Variants in TMEM205 observed in about 807,000 individuals in gnomAD.
TMEM205 encodes MBC3205.
A neutral mutation model predicts 17.9 loss-of-function variants in TMEM205; 11 were observed. That is an observed-to-expected ratio of 0.61 (90% CI 0.39 to 1.02). The LOEUF is 1.02. Ranked by LOEUF, TMEM205 falls within the 50% of genes least tolerant of loss-of-function variation. The probability of loss-of-function intolerance (pLI) is 0.01; values close to 1 mark genes in which losing one functional copy is unlikely to be tolerated. For synonymous variants in TMEM205, 86 were observed against 97.4 expected (o/e 0.88, Z 0.69); for missense variants, 236 against 239.4 (o/e 0.99, Z 0.09).
At chr19:11,344,179 G>A (rs540163059) in intron 2 of TMEM205, among the ~76,000 whole-genome samples, 8 of 151,946 alleles carry the variant, frequency 5.3e-5, no homozygotes, top group African/African-American at 1.7e-4. Context: ...TCCTGACCTC[G>A]TGATCCACCC....
chr19:11,344,813 C>T (rs1967089447), intron 2 of TMEM205: 1 of 182,758 alleles, frequency 5.5e-6, no homozygotes, highest in East Asian at 1.7e-4. Context: ...CCCCTCCCTT[C>T]CTCTTCCCTC....
Position 11,346,058 on chromosome 19 carries a change from C to T in TMEM205, c.-439G>A. ...GCCCCGAGGAAACCCTAAATCTCAT[C>T]CTGAGGACACCGATCCCACCAAAGC... On this transcript the variant is annotated 5_prime_UTR_variant, in exon 1 of 3. Coordinates refer to ENST00000354882, the MANE Select transcript of TMEM205 (RefSeq NM_198536.3). The T allele has an allele frequency of 4.3e-6, 1 of 232,784 alleles. No individual in the cohort carries two copies. The highest frequency in any genetic ancestry group is 4.7e-5 in the South Asian group (1 of 21,236). 14.4% of individuals were successfully genotyped at this position (232,784 alleles called of 1,614,324 possible). A position where few individuals can be genotyped will look rare whatever the true frequency, so the allele number is the denominator to read the frequency against.
Position 11,345,787 on chromosome 19 carries a change from G to A in TMEM205, c.-168C>T. On this transcript the variant is annotated 5_prime_UTR_variant, in exon 1 of 3. Transcript: ENST00000354882. ...AGTGAGAAAGGCCCAAAGCAGTCAA[G>A]GCCCAAAGACAACCCTCGACCCCAT... 1 of 1,348,438 alleles carries A rather than the reference G, an allele frequency of 7.4e-7. No homozygotes were observed. The highest frequency in any genetic ancestry group is 9.8e-7 in the Non-Finnish European group (1 of 1,022,874). 83.5% of individuals were successfully genotyped at this position (1,348,438 alleles called of 1,614,324 possible).
intron 2 of TMEM205, 175 bp downstream of exon 2, chr19:11,345,077 T>G: frequency 1.7e-6 from 1 of 602,798 alleles, no homozygotes; most frequent in Non-Finnish European, 2.8e-6. Flanking sequence ...AGGCTGGTCT[T>G]GAACTCCTGA....
In TMEM205 at chr19:11,345,422, G is replaced by A. The variant is rs371820105; in HGVS notation, c.101-7C>T. 266 of 1,613,988 alleles carry A rather than the reference G, an allele frequency of 1.6e-4. No homozygotes were observed. The highest frequency in any genetic ancestry group is 2.2e-4 in the Non-Finnish European group (255 of 1,180,024). On this transcript the variant is annotated splice_polypyrimidine_tract_variant and splice_region_variant and intron_variant, in intron 1 of 2. Transcript: ENST00000354882. ...CTTCGGAAAAGCAGGAAGCCTGCAGGGTATGGGGACCACAGGGGTGTTAGG... is the reference window on the plus strand; with the variant it reads ...CTTCGGAAAAGCAGGAAGCCTGCAGAGTATGGGGACCACAGGGGTGTTAGG...
At chr19:11,346,270 CCCAA>C (rs1376724582), upstream of TMEM205, 4 of 406,478 alleles carry the variant, frequency 9.8e-6, no homozygotes, top group African/African-American at 2.1e-5. Context: ...GTGGGTTTCC[CCCAA>C]CCAATAATTC....
Position 11,342,785 on chromosome 19 carries a change from A to G in TMEM205, c.*30T>C. 1 of 1,573,532 alleles carries G rather than the reference A, an allele frequency of 6.4e-7. No homozygotes were observed. The highest frequency in any genetic ancestry group is 8.6e-7 in the Non-Finnish European group (1 of 1,160,246). On this transcript the variant is annotated 3_prime_UTR_variant, in exon 3 of 3. Coordinates refer to ENST00000354882, the MANE Select transcript of TMEM205 (RefSeq NM_198536.3). ...AAAAAAAGACAGCAGCCATTTCTGAAGAAGCATTTATTAGCATGCAGGGCC... is the reference window on the plus strand; with the variant it reads ...AAAAAAAGACAGCAGCCATTTCTGAGGAAGCATTTATTAGCATGCAGGGCC...
In TMEM205 at chr19:11,343,079, G is replaced by A. The variant is rs758513671; in HGVS notation, c.306C>T (p.Asn102=). Residue 102 remains asparagine (N), a synonymous_variant, in exon 3 of 3, where the codon AAC becomes AAT. Transcript: ENST00000354882. ...LFLSLTLATV[N]ARWLEPRTTA... Reference sequence around the variant, plus strand: ...TGGTGCGGGGTTCCAGCCAGCGGGCGTTGACAGTGGCCAGCGTAAGGCTCA... The same window carrying A: ...TGGTGCGGGGTTCCAGCCAGCGGGCATTGACAGTGGCCAGCGTAAGGCTCA... 35 of 1,613,544 alleles carry A rather than the reference G, an allele frequency of 2.2e-5. No homozygotes were observed. The highest frequency in any genetic ancestry group is 3.5e-4 in the Middle Eastern group (2 of 5,772).
rs1246861776 is a variant in TMEM205, at chr19:11,345,245, C to G, written c.264+7G>C. 1 of 1,613,850 alleles carries G rather than the reference C, an allele frequency of 6.2e-7. No homozygotes were observed. Among genetic ancestry groups the G allele is most frequent in the Admixed American group, 1.7e-5 (1 of 59,996 alleles). On this transcript the variant is annotated splice_region_variant and intron_variant, in intron 2 of 2. Transcript: ENST00000354882. ...TCCAGAGGGCAGTGGCACTCAAACC[C>G]ACGTACCTGGCTGGCCTCCCAGAAT...
chr19:11,344,380 T>C (rs1967061841), intron 2 of TMEM205, among the ~76,000 whole-genome samples: 1 of 152,126 alleles, frequency 6.6e-6, no homozygotes, highest in Non-Finnish European at 1.5e-5. Context: ...AAACAGTCTG[T>C]GAAGTTCTAG....
intron 2 of TMEM205, 83 bp from the exon 3 acceptor site, chr19:11,343,203 A>T: frequency 4.4e-5 from 45 of 1,020,528 alleles, no homozygotes; most frequent in Non-Finnish European, 5.7e-5. Flanking sequence ...CATCCTCAAC[A>T]GCACAGGGGT....
At chr19:11,343,238 A>G in intron 2 of TMEM205, 118 bp from the exon 3 acceptor site, 4 of 1,062,610 alleles carry the variant, frequency 3.8e-6, no homozygotes, top group South Asian at 3.2e-5. Flanking sequence ...CACTGGATCA[A>G]AAAACCTGCC....
intron 2 of TMEM205, among the ~76,000 whole-genome samples, chr19:11,344,924 C>T (rs1243840887): frequency 2.0e-5 from 3 of 147,902 alleles, no homozygotes; most frequent in African/African-American, 5.0e-5. Flanking sequence ...GGCATGATCT[C>T]GGCTCACTGC....
At position 11,345,928 on chromosome 19, in the gene TMEM205, A is replaced by C; in HGVS notation, c.-309T>G. 1 of 349,640 alleles carries C rather than the reference A, an allele frequency of 2.9e-6. No individual in the cohort carries two copies. The highest frequency in any genetic ancestry group is 5.3e-6 in the Non-Finnish European group (1 of 187,642). 21.7% of individuals were successfully genotyped at this position (349,640 alleles called of 1,614,324 possible). A position where few individuals can be genotyped will look rare whatever the true frequency, so the allele number is the denominator to read the frequency against. ...CCAGATCATAGCCCTAGGTCTTCAGAGATCACTCCACTAATTCCCAAATAT... is the reference window on the plus strand; with the variant it reads ...CCAGATCATAGCCCTAGGTCTTCAGCGATCACTCCACTAATTCCCAAATAT... On this transcript the variant is annotated 5_prime_UTR_variant, in exon 1 of 3. Transcript: ENST00000354882.
Position 11,342,929 on chromosome 19 carries a change from AG to A in TMEM205, c.455del (p.Ala152ValfsTer22). 6.2e-7 allele frequency: 1 copy of A among 1,614,160 alleles called. No individual in the cohort carries two copies. The highest frequency in any genetic ancestry group is 8.5e-7 in the Non-Finnish European group (1 of 1,180,004). Reference protein sequence around the residue: ...QLREKDPKYSALRQNFFRYHG... With the variant: ...QLREKDPKYSXLRQNFFRYHG... ...GGTAGCGGAAGAAATTCTGGCGGAGAGCACTGTACTTGGGGTCCTTCTCTCG... is the reference window on the plus strand; with the variant it reads ...GGTAGCGGAAGAAATTCTGGCGGAGACACTGTACTTGGGGTCCTTCTCTCG... On this transcript the variant is annotated frameshift_variant, in exon 3 of 3. Coordinates refer to ENST00000354882, the MANE Select transcript of TMEM205 (RefSeq NM_198536.3). LOFTEE classifies it high-confidence loss of function.
Position 11,345,297 on chromosome 19 carries a change from A to G in TMEM205, c.219T>C (p.Ala73=), listed in dbSNP as rs1298017916. Residue 73 remains alanine, a synonymous_variant, in exon 2 of 3, where the codon GCT becomes GCC. Transcript: ENST00000354882. The stretch of plus-strand genomic sequence containing the variant: ...TGAGCTGAGCCCAAGCATGCTGTGA[A>G]GCCAAGATGCAGAGGTTGATGAAGG... ...GCAFINLCIL[A]SQHAWAQLTF... 6.2e-7 allele frequency: 1 copy of G among 1,614,086 alleles called. No individual in the cohort carries two copies. The highest frequency in any genetic ancestry group is 8.5e-7 in the Non-Finnish European group (1 of 1,180,040).
chr19:11,345,608 G>A lies in TMEM205; in HGVS notation c.12C>T (p.Gly4=), dbSNP rs1444018586. Residue 4 remains glycine, a synonymous_variant, in exon 1 of 3, where the codon GGC becomes GGT. Coordinates refer to ENST00000354882, the MANE Select transcript of TMEM205 (RefSeq NM_198536.3). MEE[G]GNLGGLIKMV... is the part of the protein sequence containing the mutation. ...TCTTAATCAGGCCTCCTAGGTTCCCGCCTTCCTCCATCTTGCAGTCCTGGG... is the reference window on the plus strand; with the variant it reads ...TCTTAATCAGGCCTCCTAGGTTCCCACCTTCCTCCATCTTGCAGTCCTGGG... 1.2e-6 allele frequency: 2 copies of A among 1,613,778 alleles called. No homozygotes were observed. The highest frequency in any genetic ancestry group is 1.7e-5 in the Admixed American group (1 of 59,970).
Position 11,345,799 on chromosome 19 carries a change from A to G in TMEM205, c.-180T>C. 1 of 1,198,686 alleles carries G rather than the reference A, an allele frequency of 8.3e-7. No individual in the cohort carries two copies. Among genetic ancestry groups the G allele is most frequent in the Non-Finnish European group, 1.1e-6 (1 of 892,288 alleles). 74.3% of individuals were successfully genotyped at this position (1,198,686 alleles called of 1,614,324 possible). A position where few individuals can be genotyped will look rare whatever the true frequency, so the allele number is the denominator to read the frequency against. The stretch of plus-strand genomic sequence containing the variant: ...CCAAAGCAGTCAAGGCCCAAAGACA[A>G]CCCTCGACCCCATCTCTCCAAATGT... On this transcript the variant is annotated 5_prime_UTR_variant, in exon 1 of 3. Coordinates refer to ENST00000354882, the MANE Select transcript of TMEM205 (RefSeq NM_198536.3).
In TMEM205 at chr19:11,345,536, C is replaced by T. The variant is rs1258623909; in HGVS notation, c.84G>A (p.Trp28Ter). The T allele has an allele frequency of 1.9e-6, 3 of 1,614,112 alleles. No individual in the cohort carries two copies. The highest frequency in any genetic ancestry group is 1.7e-5 in the Admixed American group (1 of 60,008). ...GGTCCCTACCTGAGACGAAGGTCAC[C>T]CACATTTGCATGCCCCAGGCACCTG... ...VLSGAWGMQM[W>*]VTFVSGFLLF... is the part of the protein sequence containing the mutation. Residue 28 changes from tryptophan (W) to a stop codon, truncating the protein, a stop_gained, in exon 1 of 3, where the codon TGG becomes TGA. Transcript: ENST00000354882. LOFTEE classifies it high-confidence loss of function.
Sources: allele counts gnomAD v4.1 joint callset (sites outside exome capture counted in the v4.1 genomes callset), GRCh38; gene constraint gnomAD v4.1.1; transcripts MANE v1.5; gene names NCBI Gene and HGNC (gene_info 2026-07-23, HGNC 2026-07-21).